ADK: variants seen among roughly 807,000 people sequenced by gnomAD.
ADK encodes adenosine kinase, also known as N6,N6-dimethyladenosine kinase.
In ADK, 24 loss-of-function variants were observed where a neutral mutation model predicts 44.7. The ratio of observed to expected loss-of-function variants is 0.54; its 90% CI spans 0.39 to 0.76. ADK has a LOEUF of 0.76. Ranked by LOEUF, ADK falls within the 30% of genes least tolerant of loss-of-function variation. The pLI is 0.00. For missense variants in ADK, 321 were observed against 425.1 expected (o/e 0.76, Z 2.15); for synonymous variants, 128 against 142.6 (o/e 0.90, Z 0.73).
At chr10:74,346,201 G>GT (rs1564666186) in intron 4 of ADK, among the ~76,000 whole-genome samples, 1 of 152,152 alleles carries the variant, frequency 6.6e-6, no homozygotes, top group Admixed American at 6.5e-5. Flanking sequence ...CAAAATTTCT[G>GT]TTTTTTAATG....
At chr10:74,321,745 G>A (rs1463052098) in intron 4 of ADK, among the ~76,000 whole-genome samples, 2 of 151,996 alleles carry the variant, frequency 1.3e-5, no homozygotes, top group Non-Finnish European at 2.9e-5. Flanking sequence ...CTAAATGCCA[G>A]TGTGTTTATG....
intron 6 of ADK, among the ~76,000 whole-genome samples, chr10:74,480,227 T>TTTC (rs576338879): frequency 1.5e-3 from 191 of 125,400 alleles, no homozygotes; most frequent in Admixed American, 1.8e-3. Flanking sequence ...TCTTTCTTTC[T>TTTC]TTTTTTTTTT....
chr10:74,357,793 T>C (rs1842196453), intron 4 of ADK, among the ~76,000 whole-genome samples: 1 of 152,198 alleles, frequency 6.6e-6, no homozygotes, highest in Non-Finnish European at 1.5e-5. Context: ...TAATCTGTGA[T>C]CAATGAGCAG....
At chr10:74,615,193 T>C (rs560184302) in intron 9 of ADK, among the ~76,000 whole-genome samples, 5 of 152,350 alleles carry the variant, frequency 3.3e-5, no homozygotes, top group African/African-American at 1.2e-4. Context: ...TTGCTTACAG[T>C]TCTTTTTTTC....
At chr10:74,535,966 G>C (rs1037796922) in intron 7 of ADK, among the ~76,000 whole-genome samples, 1 of 151,696 alleles carries the variant, frequency 6.6e-6, no homozygotes, top group Non-Finnish European at 1.5e-5. Flanking sequence ...GCTATTTTTT[G>C]TTCCCTTAAT....
intron 3 of ADK, among the ~76,000 whole-genome samples, chr10:74,301,184 G>A (rs1840019066): frequency 6.6e-6 from 1 of 152,150 alleles, no homozygotes. Flanking sequence ...ATAGATCAAT[G>A]TTAACAGATG....
At chr10:74,242,759 C>T (rs1260219057) in intron 3 of ADK, among the ~76,000 whole-genome samples, 1 of 152,216 alleles carries the variant, frequency 6.6e-6, no homozygotes, top group East Asian at 1.9e-4. Flanking sequence ...CTGCCCCACC[C>T]GCATCCTGTG....
intron 9 of ADK, among the ~76,000 whole-genome samples, chr10:74,629,178 C>T (rs571697674): frequency 2.6e-5 from 4 of 152,196 alleles, no homozygotes; most frequent in East Asian, 1.9e-4. Context: ...TACAGGCACA[C>T]GCCACCATGC....
At chr10:74,496,940 A>G (rs934103360) in intron 6 of ADK, among the ~76,000 whole-genome samples, 5 of 151,926 alleles carry the variant, frequency 3.3e-5, no homozygotes, top group Admixed American at 6.6e-5. Context: ...CAGCAGTCCA[A>G]ACAGAACCTA....
At chr10:74,701,893 G>C (rs1856429567) in intron 10 of ADK, among the ~76,000 whole-genome samples, 1 of 152,142 alleles carries the variant, frequency 6.6e-6, no homozygotes, top group Non-Finnish European at 1.5e-5. Context: ...GCAGTGAGCT[G>C]AGATCGTACC....
rs1265462438 is a variant in ADK at position 74,394,045 on chromosome 10, C to G, written c.274-96C>G. ...CATTCATAACAGCTACAGTTTCTCA[C>G]AAAGCATTCTTGTCACATCACTATC... is the stretch of plus-strand genomic sequence containing the variant. On this transcript the variant is annotated intron_variant, in intron 4 of 10. Coordinates refer to ENST00000539909, the MANE Select transcript of ADK (RefSeq NM_006721.4). The G allele has an allele frequency of 2.4e-6, 3 of 1,268,710 alleles. No individual in the cohort carries two copies. In the East Asian group the frequency reaches 6.9e-5, roughly 29 times the overall value. 78.6% of individuals were successfully genotyped at this position (1,268,710 alleles called of 1,614,324 possible).
intron 4 of ADK, among the ~76,000 whole-genome samples, chr10:74,359,259 C>T (rs752759115): frequency 1.3e-5 from 2 of 152,092 alleles, no homozygotes; most frequent in Non-Finnish European, 2.9e-5. Flanking sequence ...TGTGATGCCG[C>T]AGCTTTCTCT....
intron 1 of ADK, among the ~76,000 whole-genome samples, chr10:74,182,083 T>C (rs1842579776): frequency 6.6e-6 from 1 of 152,122 alleles, no homozygotes; most frequent in African/African-American, 2.4e-5. Flanking sequence ...TTGAGGTATG[T>C]CCAATAGAAT....
intron 3 of ADK, among the ~76,000 whole-genome samples, chr10:74,244,372 A>C (rs1233927590): frequency 6.6e-6 from 1 of 152,218 alleles, no homozygotes; most frequent in Non-Finnish European, 1.5e-5. Flanking sequence ...ATATTTGGGC[A>C]TTGTATTTTG....
chr10:74,310,073 T>A (rs1323766190), intron 3 of ADK, among the ~76,000 whole-genome samples: 1 of 152,108 alleles, frequency 6.6e-6, no homozygotes, highest in Admixed American at 6.5e-5. Flanking sequence ...TATAGTAGGC[T>A]TGTGGTGGAA....
At chr10:74,475,736 GAAGAGAGA>G (rs1288068869) in intron 6 of ADK, among the ~76,000 whole-genome samples, 1 of 148,714 alleles carries the variant, frequency 6.7e-6, no homozygotes, top group African/African-American at 2.5e-5. Context: ...AAGAGAGAGC[GAAGAGAGA>G]AAGAGAGAAA....
chr10:74,337,724 T>A (rs1564661077), intron 4 of ADK, among the ~76,000 whole-genome samples: 1 of 152,140 alleles, frequency 6.6e-6, no homozygotes, highest in Non-Finnish European at 1.5e-5. Flanking sequence ...TTACTAACTG[T>A]GAGCTTGAAG....
chr10:74,406,535 G>T (rs61859806), intron 6 of ADK, among the ~76,000 whole-genome samples: 66,712 of 115,668 alleles, frequency 0.58, 18,010 homozygotes, highest in Middle Eastern at 0.69. Context: ...ATAAGAAGAA[G>T]AAGAAGAAGA....
intron 6 of ADK, among the ~76,000 whole-genome samples, chr10:74,460,903 C>G (rs1054175915): frequency 2.6e-5 from 4 of 152,282 alleles, no homozygotes; most frequent in African/African-American, 9.6e-5. Context: ...TTCAGAATGT[C>G]TCTGTCAGAA....
Sources: allele counts gnomAD v4.1 joint callset (sites outside exome capture counted in the v4.1 genomes callset), GRCh38; gene constraint gnomAD v4.1.1; transcripts MANE v1.5; gene names NCBI Gene and HGNC (gene_info 2026-07-23, HGNC 2026-07-21).